SNUPN: variants seen among roughly 807,000 people sequenced by gnomAD.
SNUPN encodes snurportin 1.
SNUPN carries 31 observed loss-of-function variants against 39.2 expected under a neutral mutation model. The observed-to-expected ratio is 0.79, with a 90% CI of 0.59 to 1.07. The LOEUF (loss-of-function observed/expected upper bound fraction) is 1.07. SNUPN is among the 50% of genes least tolerant of loss of function. The pLI is 0.00. For synonymous variants in SNUPN, 132 were observed against 159.0 expected (o/e 0.83, Z 1.28); for missense variants, 382 against 434.2 (o/e 0.88, Z 1.07).
At chr15:75,610,400 C>T (rs80287532) in intron 3 of SNUPN, among the ~76,000 whole-genome samples, 1 of 61,086 alleles carries the variant, frequency 1.6e-5, no homozygotes, top group Admixed American at 1.9e-4. Flanking sequence ...AACTCTGTCT[C>T]AAAAAAAAAA....
Position 75,609,120 on chromosome 15 carries a change from G to A in SNUPN, c.502+438C>T, listed in dbSNP as rs543470058. Among the ~76,000 whole-genome samples, 279 of 138,476 alleles carry A rather than the reference G, an allele frequency of 2.0e-3. 2 individuals are homozygous for A. Among genetic ancestry groups the A allele is most frequent in the Non-Finnish European group, 3.4e-3 (221 of 64,584 alleles). The allele number at this position is 138,476 out of a possible 152,430, so 90.8% of individuals were successfully genotyped here. On this transcript the variant is annotated intron_variant, in intron 5 of 8. Coordinates refer to ENST00000308588, the MANE Select transcript of SNUPN (RefSeq NM_005701.4). ...CACTCCAGCTTGGGTGACAAAGTGA[G>A]ACTCTGTCTCAAAAAACAAAAAAAA...
intron 7 of SNUPN, among the ~76,000 whole-genome samples, chr15:75,601,994 C>T (rs994836598): frequency 1.3e-5 from 2 of 152,146 alleles, no homozygotes; most frequent in Non-Finnish European, 2.9e-5. Context: ...TCTCCCACCT[C>T]AGTTTCCCAG....
chr15:75,617,592 C>CTTTTT, intron 2 of SNUPN, 40 bp from the exon 3 acceptor site: 1 of 1,339,004 alleles, frequency 7.5e-7, no homozygotes, highest in Non-Finnish European at 1.0e-6. Flanking sequence ...ATCTTTTCTT[C>CTTTTT]TTTTTTTTTT....
chr15:75,623,958 C>T (rs1048074157), intron 1 of SNUPN, among the ~76,000 whole-genome samples: 3 of 135,084 alleles, frequency 2.2e-5, no homozygotes, highest in Non-Finnish European at 4.7e-5. Flanking sequence ...GACGGAGTCT[C>T]GCTCTGTCGC....
intron 8 of SNUPN, among the ~76,000 whole-genome samples, chr15:75,599,836 A>ATTTTTTTTTTTTTTTTTTTTTTT (rs60918008): frequency 1.4e-5 from 2 of 140,516 alleles, no homozygotes; most frequent in Non-Finnish European, 1.5e-5. Flanking sequence ...GACTGGGCAG[A>ATTTTTTTTTTTTTTTTTTTTTTT]TTTTTTTTTT....
At chr15:75,598,776 C>T in intron 8 of SNUPN, 95 bp from the exon 9 acceptor site, 1 of 905,864 alleles carries the variant, frequency 1.1e-6, no homozygotes. Context: ...TGTGGTCCGA[C>T]TCCTTTTTCT....
At chr15:75,598,848 A>G (rs1474586059) in intron 8 of SNUPN, among the ~76,000 whole-genome samples, 167 bp from the exon 9 acceptor site, 1 of 152,102 alleles carries the variant, frequency 6.6e-6, no homozygotes, top group Non-Finnish European at 1.5e-5. Context: ...AAATAAAGAA[A>G]TGGCCTAGAA....
At position 75,609,879 on chromosome 15, in the gene SNUPN, C is replaced by T. The variant is rs1474349175; in HGVS notation, c.408+11G>A. 4 of 1,601,482 alleles carry T rather than the reference C, an allele frequency of 2.5e-6. No individual in the cohort carries two copies. The highest frequency in any genetic ancestry group is 3.4e-6 in the Non-Finnish European group (4 of 1,168,704). ...CAGGCCTACTGGCATAGGGGGCAGGCAGCTACTCACCCTGGAGGCCACGAT... is the reference window on the plus strand; with the variant it reads ...CAGGCCTACTGGCATAGGGGGCAGGTAGCTACTCACCCTGGAGGCCACGAT... On this transcript the variant is annotated intron_variant, in intron 4 of 8. Coordinates refer to ENST00000308588, the MANE Select transcript of SNUPN (RefSeq NM_005701.4).
chr15:75,620,583 C>T (rs1893041329), intron 2 of SNUPN, among the ~76,000 whole-genome samples: 2 of 152,094 alleles, frequency 1.3e-5, no homozygotes, highest in Admixed American at 6.6e-5. Context: ...AAAGTCTGGG[C>T]GTGGCTTTCG....
intron 3 of SNUPN, among the ~76,000 whole-genome samples, chr15:75,613,036 T>C (rs373725957): frequency 2.6e-5 from 4 of 151,810 alleles, no homozygotes; most frequent in Admixed American, 6.6e-5. Flanking sequence ...GGAGGGCAGA[T>C]CATGAGGTCA....
chr15:75,614,638 G>T (rs1892880802), intron 3 of SNUPN, among the ~76,000 whole-genome samples: 1 of 152,082 alleles, frequency 6.6e-6, no homozygotes, highest in Non-Finnish European at 1.5e-5. Context: ...TTAGTATGGG[G>T]TTTCTTTTGG....
chr15:75,626,446 A>C (rs182491346), upstream of SNUPN: 1 of 152,230 alleles, frequency 6.6e-6, no homozygotes, highest in African/African-American at 2.4e-5. Flanking sequence ...AAGTCCTGCC[A>C]GGGTGTAGCC....
intron 2 of SNUPN, among the ~76,000 whole-genome samples, chr15:75,620,616 C>T (rs1296972960): frequency 6.6e-6 from 1 of 152,110 alleles, no homozygotes; most frequent in Non-Finnish European, 1.5e-5. Context: ...CCACAGAGCT[C>T]AGTACAGCTG....
intron 8 of SNUPN, among the ~76,000 whole-genome samples, chr15:75,599,337 A>T (rs555915170): frequency 6.6e-6 from 1 of 152,188 alleles, no homozygotes; most frequent in Non-Finnish European, 1.5e-5. Context: ...GTGAGTAGGA[A>T]GCAGGACTTC....
chr15:75,614,378 C>A (rs969100864), intron 3 of SNUPN, among the ~76,000 whole-genome samples: 30 of 152,008 alleles, frequency 2.0e-4, no homozygotes, highest in Non-Finnish European at 2.2e-4. Context: ...ACTCAAATAG[C>A]CATAAACTGA....
rs1176130784 is a variant in SNUPN at position 75,605,170 on chromosome 15, C to G, written c.658G>C (p.Glu220Gln). The G allele has an allele frequency of 1.2e-6, 2 of 1,613,392 alleles. No individual in the cohort carries two copies. The highest frequency in any genetic ancestry group is 1.7e-5 in the Admixed American group (1 of 59,988). Residue 220 changes from glutamate to glutamine, a missense_variant, in exon 7 of 9, where the codon GAG becomes CAG. By Grantham distance (29) the Glu-to-Gln change is conservative. Coordinates refer to ENST00000308588, the MANE Select transcript of SNUPN (RefSeq NM_005701.4). ...CTTACAGGATTAAGCTTGGTTTTCTCTCCCAGTCCTTCTTCTTCTGGTAAC... is the reference window on the plus strand; with the variant it reads ...CTTACAGGATTAAGCTTGGTTTTCTGTCCCAGTCCTTCTTCTTCTGGTAAC... ...SKLPEEEGLGEKTKLNPFKFV... is the reference protein window; with the variant it reads ...SKLPEEEGLGQKTKLNPFKFV...
Position 75,617,390 on chromosome 15 carries a change from C to A in SNUPN, c.303+18G>T. 6.2e-7 allele frequency: 1 copy of A among 1,610,416 alleles called. No individual in the cohort carries two copies. The highest frequency in any genetic ancestry group is 8.5e-7 in the Non-Finnish European group (1 of 1,178,520). ...GGGAGTGAGATTAGCTGGGTCTCATCTTCTCTGGACCACTTACTTGATTAG... is the reference window on the plus strand; with the variant it reads ...GGGAGTGAGATTAGCTGGGTCTCATATTCTCTGGACCACTTACTTGATTAG... On this transcript the variant is annotated intron_variant, in intron 3 of 8. Coordinates refer to ENST00000308588, the MANE Select transcript of SNUPN (RefSeq NM_005701.4).
At position 75,605,139 on chromosome 15, in the gene SNUPN, C is replaced by T. The variant is rs200051447; in HGVS notation, c.678+11G>A. 45 of 1,590,516 alleles carry T rather than the reference C, an allele frequency of 2.8e-5. No individual in the cohort carries two copies. The highest frequency in any genetic ancestry group is 3.5e-5 in the Non-Finnish European group (41 of 1,159,132). ...CATAAGGAACTCAGTGATCCTAACACCAGGCCTTACAGGATTAAGCTTGGT... is the reference window on the plus strand; with the variant it reads ...CATAAGGAACTCAGTGATCCTAACATCAGGCCTTACAGGATTAAGCTTGGT... On this transcript the variant is annotated intron_variant, in intron 7 of 8. Transcript: ENST00000308588.
At chr15:75,609,754 A>T in intron 4 of SNUPN, 103 bp from the exon 5 acceptor site, 6 of 1,161,248 alleles carry the variant, frequency 5.2e-6, no homozygotes, top group Non-Finnish European at 7.6e-6. Context: ...ATGGCTCTCA[A>T]CAAACCTTCC....
Sources: allele counts gnomAD v4.1 joint callset (sites outside exome capture counted in the v4.1 genomes callset), GRCh38; gene constraint gnomAD v4.1.1; transcripts MANE v1.5; gene names NCBI Gene and HGNC (gene_info 2026-07-23, HGNC 2026-07-21).